Variants in TUSC3 observed in about 807,000 individuals in gnomAD.
TUSC3 encodes the protein dolichyl-diphosphooligosaccharide--protein glycosyltransferase subunit TUSC3.
Under a neutral mutation model 44.8 loss-of-function variants are expected in TUSC3, and 45 were observed. The ratio of observed to expected loss-of-function variants is 1.00; its 90% CI spans 0.79 to 1.29. The LOEUF (loss-of-function observed/expected upper bound fraction) is 1.29. TUSC3 is among the 50% of genes most tolerant of loss of function. TUSC3 has a pLI of 0.00. For missense variants in TUSC3, 519 were observed against 437.9 expected, an observed-to-expected ratio of 1.19 and a Z score of -1.65; for synonymous variants, 212 against 152.9, an observed-to-expected ratio of 1.39 and a Z score of -2.85.
intron 2 of TUSC3, among the ~76,000 whole-genome samples, chr8:15,628,295 T>C (rs1805604332): frequency 6.6e-6 from 1 of 152,182 alleles, no homozygotes; most frequent in South Asian, 2.1e-4. Context: ...TGTAATAACA[T>C]AAACCATAAC....
intron 1 of TUSC3, among the ~76,000 whole-genome samples, chr8:15,474,657 G>A (rs763589148): frequency 6.6e-6 from 1 of 152,016 alleles, no homozygotes; most frequent in African/African-American, 2.4e-5. Flanking sequence ...TGGGGGATTT[G>A]GATCACACTT....
chr8:15,557,796 C>T (rs1301735488), intron 1 of TUSC3, among the ~76,000 whole-genome samples: 1 of 136,726 alleles, frequency 7.3e-6, no homozygotes, highest in African/African-American at 2.7e-5. Context: ...CATGATTTGG[C>T]TCTCCGTTTG....
chr8:15,598,511 G>A (rs966954289), intron 1 of TUSC3, among the ~76,000 whole-genome samples: 4 of 151,700 alleles, frequency 2.6e-5, no homozygotes, highest in Non-Finnish European at 4.4e-5. Context: ...CATTCTTGGT[G>A]TTGTATATTC....
At chr8:15,666,383 G>T (rs914137512) in intron 5 of TUSC3, among the ~76,000 whole-genome samples, 1 of 151,452 alleles carries the variant, frequency 6.6e-6, no homozygotes, top group African/African-American at 2.4e-5. Flanking sequence ...TTTTAATACT[G>T]TGTATTGTAG....
chr8:15,792,369 G>A, the TUSC3 span, among the ~76,000 whole-genome samples: 1 of 152,090 alleles, frequency 6.6e-6, no homozygotes, highest in Non-Finnish European at 1.5e-5. Flanking sequence ...GTTACTGAGT[G>A]GCCACTTTCG....
chr8:15,524,339 C>G (rs1305273272), intron 2 of TUSC3, among the ~76,000 whole-genome samples: 2 of 152,070 alleles, frequency 1.3e-5, no homozygotes, highest in Non-Finnish European at 2.9e-5. Flanking sequence ...AATTCATAGA[C>G]TTAATTTTCA....
intron 2 of TUSC3, among the ~76,000 whole-genome samples, chr8:15,648,826 G>A (rs527253818): frequency 1.6e-4 from 24 of 145,696 alleles, no homozygotes; most frequent in African/African-American, 6.1e-4. Flanking sequence ...CTTTAAACCC[G>A]GTGTTTCTCT....
At chr8:15,474,149 G>T (rs1359735778) in intron 1 of TUSC3, among the ~76,000 whole-genome samples, 2 of 152,186 alleles carry the variant, frequency 1.3e-5, no homozygotes, top group Non-Finnish European at 2.9e-5. Context: ...TCTGCACGAA[G>T]AAAAATATGG....
chr8:15,783,305 C>T, the TUSC3 span, among the ~76,000 whole-genome samples: 2 of 151,984 alleles, frequency 1.3e-5, no homozygotes, highest in Non-Finnish European at 2.9e-5. Context: ...ATGTGCTATC[C>T]ACTAACAGAT....
the TUSC3 span, among the ~76,000 whole-genome samples, chr8:15,799,103 A>AAAC: frequency 2.3e-4 from 35 of 152,314 alleles, no homozygotes; most frequent in African/African-American, 8.2e-4. Context: ...GATGCACTGC[A>AAAC]AAACAAACAA....
chr8:15,628,989 C>G (rs1400549481), intron 2 of TUSC3, among the ~76,000 whole-genome samples: 2 of 152,122 alleles, frequency 1.3e-5, no homozygotes, highest in African/African-American at 2.4e-5. Context: ...TACAGTTAAG[C>G]TAGATTTCCA....
At chr8:15,768,953 A>G (rs1351639807), downstream of TUSC3, among the ~76,000 whole-genome samples, 1 of 152,210 alleles carries the variant, frequency 6.6e-6, no homozygotes, top group East Asian at 1.9e-4. Context: ...AACACATTCC[A>G]TGCTCATGGA....
chr8:15,786,088 T>A, the TUSC3 span, among the ~76,000 whole-genome samples: 1 of 152,226 alleles, frequency 6.6e-6, no homozygotes, highest in African/African-American at 2.4e-5. Context: ...AAATTTTGTA[T>A]ACAATAGAAT....
At chr8:15,809,908 A>C in the TUSC3 span, among the ~76,000 whole-genome samples, 2 of 152,226 alleles carry the variant, frequency 1.3e-5, no homozygotes, top group South Asian at 4.1e-4. Context: ...AATGCTTTTC[A>C]AACTCTAATA....
chr8:15,520,086 C>T (rs1801275241), intron 2 of TUSC3, among the ~76,000 whole-genome samples: 1 of 152,114 alleles, frequency 6.6e-6, no homozygotes, highest in Non-Finnish European at 1.5e-5. Flanking sequence ...TCTTCCAATT[C>T]CCCTTTCATC....
chr8:15,504,451 A>G (rs1801016396), intron 2 of TUSC3, among the ~76,000 whole-genome samples: 1 of 151,528 alleles, frequency 6.6e-6, no homozygotes, highest in South Asian at 2.1e-4. Context: ...TACCATCATT[A>G]TCATTAACAT....
intron 1 of TUSC3, among the ~76,000 whole-genome samples, chr8:15,547,433 A>G (rs1801907335): frequency 6.6e-6 from 1 of 151,660 alleles, no homozygotes; most frequent in South Asian, 2.1e-4. Flanking sequence ...TCTTTTTGCT[A>G]TTCATATTAA....
In TUSC3 at chr8:15,502,444, C is replaced by T. The variant is rs571435613; in HGVS notation, n.189+18961C>T. Among the ~76,000 whole-genome samples the T allele has an allele frequency of 7.2e-5, 11 of 152,264 alleles. No homozygotes were observed. In the South Asian group the frequency reaches 2.1e-3, roughly 29 times the overall value. The stretch of plus-strand genomic sequence containing the variant: ...TTGACACTTCTTTTTATTAGAGCTC[C>T]TATGTCGGATTATCATTTCCCGGAT... On this transcript the variant is annotated intron_variant and non_coding_transcript_variant, in intron 2 of 5. Coordinates refer to the TUSC3 transcript ENST00000503191.
the TUSC3 span, among the ~76,000 whole-genome samples, chr8:15,840,076 A>T: frequency 3.9e-5 from 6 of 152,212 alleles, no homozygotes; most frequent in African/African-American, 1.4e-4. Context: ...TGTCCTTTGT[A>T]GGGACATGGA....
Sources: gnomAD v4.1 joint callset for allele counts (sites outside exome capture counted in the v4.1 genomes callset) on GRCh38, gnomAD v4.1.1 for gene constraint, MANE v1.5 for transcripts, NCBI Gene and HGNC (gene_info 2026-07-23, HGNC 2026-07-21) for gene names.